The following MAL2 variants were observed in gnomAD, a reference collection of about 807,000 sequenced individuals.
MAL2 encodes the protein protein MAL2.
MAL2 carries 17 observed loss-of-function variants against 18.1 expected under a neutral mutation model. That is an observed-to-expected ratio of 0.94 (90% confidence interval 0.64 to 1.41). The LOEUF (loss-of-function observed/expected upper bound fraction) is 1.41, where lower values mean the gene tolerates loss of function less well. Ranked by LOEUF, MAL2 falls within the 40% of genes most tolerant of loss-of-function variation. The pLI, the probability that MAL2 is intolerant of heterozygous loss-of-function variation, is 0.00. For missense variants in MAL2, 222 were observed against 231.9 expected (o/e 0.96, Z 0.28); for synonymous variants, 102 against 102.3 (o/e 1.00, Z 0.02).
chr8:119,213,361 G>A (rs1817295148), intron 1 of MAL2, among the ~76,000 whole-genome samples: 1 of 106,310 alleles, frequency 9.4e-6, no homozygotes, highest in Non-Finnish European at 1.9e-5. Flanking sequence ...ATGTTCTGAT[G>A]TATAGAGTTT....
chr8:119,219,585 G>A (rs1303498648), intron 1 of MAL2, among the ~76,000 whole-genome samples: 1 of 151,092 alleles, frequency 6.6e-6, no homozygotes, highest in Admixed American at 6.6e-5. Context: ...GAGAGAGAGA[G>A]ATTGATTCTC....
chr8:119,234,430 G>T (rs555541713), intron 2 of MAL2, among the ~76,000 whole-genome samples: 6 of 152,304 alleles, frequency 3.9e-5, no homozygotes, highest in South Asian at 2.1e-4. Flanking sequence ...AAAGCAGCCC[G>T]GAAGCTCGAA....
At chr8:119,228,569 C>T (rs182472764) in intron 2 of MAL2, among the ~76,000 whole-genome samples, 1 of 152,142 alleles carries the variant, frequency 6.6e-6, no homozygotes, top group African/African-American at 2.4e-5. Flanking sequence ...TGCTATCAGG[C>T]CAGGCCAGCA....
At chr8:119,243,278 AAC>A (rs1451350344) in intron 3 of MAL2, 137 bp from the exon 4 acceptor site, 110 of 556,726 alleles carry the variant, frequency 2.0e-4, no homozygotes, top group Non-Finnish European at 2.3e-4. Context: ...AAAAAAAAAA[AAC>A]AATGTAAAAT....
At chr8:119,227,069 G>A (rs1319139220) in intron 2 of MAL2, among the ~76,000 whole-genome samples, 1 of 152,194 alleles carries the variant, frequency 6.6e-6, no homozygotes, top group African/African-American at 2.4e-5. Context: ...CCTATACTAG[G>A]CCCTGGGAAT....
chr8:119,239,469 A>T (rs1394724378), intron 2 of MAL2, among the ~76,000 whole-genome samples: 1 of 152,096 alleles, frequency 6.6e-6, no homozygotes, highest in Non-Finnish European at 1.5e-5. Context: ...ACACATGCAC[A>T]TGTATGTTTA....
chr8:119,222,531 A>T (rs1217696582), intron 2 of MAL2, among the ~76,000 whole-genome samples: 2 of 151,870 alleles, frequency 1.3e-5, no homozygotes, highest in Admixed American at 6.6e-5. Context: ...AAAAAAAAAA[A>T]AAAAAAGAAT....
chr8:119,235,715 A>G (rs1323260945), intron 2 of MAL2, among the ~76,000 whole-genome samples: 1 of 150,584 alleles, frequency 6.6e-6, no homozygotes, highest in African/African-American at 2.5e-5. Flanking sequence ...TGAAGGAGAA[A>G]TAAAATACTT....
chr8:119,233,967 G>A (rs183156185), intron 2 of MAL2, among the ~76,000 whole-genome samples: 2,170 of 152,024 alleles, frequency 0.014, 52 homozygotes, highest in African/African-American at 0.05. Flanking sequence ...CAAGATGGCC[G>A]AATAGGAACA....
At chr8:119,211,117 T>C (rs1817262258) in intron 1 of MAL2, among the ~76,000 whole-genome samples, 3 of 152,228 alleles carry the variant, frequency 2.0e-5, no homozygotes, top group Admixed American at 2.0e-4. Context: ...AAGTGAACAC[T>C]TTTGAAGCAA....
At chr8:119,233,539 T>TAC (rs1817787413) in intron 2 of MAL2, among the ~76,000 whole-genome samples, 1 of 152,132 alleles carries the variant, frequency 6.6e-6, no homozygotes, top group African/African-American at 2.4e-5. Flanking sequence ...CAGAGAATAC[T>TAC]ACAAACACCT....
At chr8:119,211,686 G>A (rs904840963) in intron 1 of MAL2, among the ~76,000 whole-genome samples, 24 of 141,830 alleles carry the variant, frequency 1.7e-4, no homozygotes, top group Admixed American at 5.9e-4. Flanking sequence ...ACAATCTCAC[G>A]TGCATAGTGA....
At chr8:119,222,864 A>G (rs760646215) in intron 2 of MAL2, among the ~76,000 whole-genome samples, 1 of 151,904 alleles carries the variant, frequency 6.6e-6, no homozygotes, top group African/African-American at 2.4e-5. Flanking sequence ...AATCAACACA[A>G]TTTTTAAAAT....
intron 2 of MAL2, 58 bp downstream of exon 2, chr8:119,221,815 T>A (rs1222155669): frequency 6.4e-7 from 1 of 1,563,982 alleles, no homozygotes; most frequent in African/African-American, 1.4e-5. Flanking sequence ...TGTATCCTAT[T>A]CTGTTCTGAA....
At chr8:119,220,508 C>T (rs1366286586) in intron 1 of MAL2, among the ~76,000 whole-genome samples, 5 of 152,158 alleles carry the variant, frequency 3.3e-5, no homozygotes, top group Non-Finnish European at 7.3e-5. Flanking sequence ...AAATCTTGAC[C>T]ATGCTAGTTT....
At chr8:119,225,128 CTTT>C (rs1310404688) in intron 2 of MAL2, among the ~76,000 whole-genome samples, 1 of 151,852 alleles carries the variant, frequency 6.6e-6, no homozygotes, top group Non-Finnish European at 1.5e-5. Context: ...CTCACTCCAA[CTTT>C]TTTTATACTT....
intron 1 of MAL2, among the ~76,000 whole-genome samples, chr8:119,218,574 G>A (rs1361143160): frequency 6.6e-6 from 1 of 152,104 alleles, no homozygotes; most frequent in African/African-American, 2.4e-5. Context: ...TCCTGAATCA[G>A]TTTAATAGTG....
intron 2 of MAL2, among the ~76,000 whole-genome samples, chr8:119,222,593 T>C (rs985690093): frequency 6.6e-6 from 1 of 151,296 alleles, no homozygotes; most frequent in African/African-American, 2.4e-5. Flanking sequence ...TTTGGGAAGC[T>C]GAGGCAGGAG....
chr8:119,230,227 A>G (rs995500654), intron 2 of MAL2, among the ~76,000 whole-genome samples: 2 of 152,170 alleles, frequency 1.3e-5, no homozygotes, highest in Admixed American at 6.5e-5. Flanking sequence ...ATTCCACACT[A>G]TGTACTTTCT....
Sources: allele counts gnomAD v4.1 joint callset (sites outside exome capture counted in the v4.1 genomes callset), GRCh38; gene constraint gnomAD v4.1.1; transcripts MANE v1.5; gene names NCBI Gene and HGNC (gene_info 2026-07-23, HGNC 2026-07-21).